Variants in CPSF3 observed in about 807,000 individuals in gnomAD.
CPSF3 encodes the protein cleavage and polyadenylation specificity factor subunit 3.
Under a neutral mutation model 84.1 loss-of-function variants are expected in CPSF3, and 57 were observed. The ratio of observed to expected loss-of-function variants is 0.68; its 90% CI spans 0.55 to 0.85. CPSF3 has a LOEUF of 0.85. Ranked by LOEUF, CPSF3 falls within the 40% of genes least tolerant of loss-of-function variation. CPSF3 has a pLI of 0.00. For missense variants in CPSF3, 522 were observed against 838.8 expected, an observed-to-expected ratio of 0.62 and a Z score of 4.66; for synonymous variants, 275 against 278.1, an observed-to-expected ratio of 0.99 and a Z score of 0.11.
At chr2:9,469,966 C>CA (rs1682106880) in intron 16 of CPSF3, among the ~76,000 whole-genome samples, 1 of 152,178 alleles carries the variant, frequency 6.6e-6, no homozygotes, top group Non-Finnish European at 1.5e-5. Context: ...GTAATCCCAG[C>CA]ACTTTGGGAA....
At chr2:9,435,505 A>G (rs1339691364) in intron 6 of CPSF3, among the ~76,000 whole-genome samples, 1 of 144,994 alleles carries the variant, frequency 6.9e-6, no homozygotes, top group Admixed American at 6.9e-5. Context: ...CACTGCAACC[A>G]CTGCCTCCCA....
At chr2:9,472,854 T>C in intron 17 of CPSF3, 62 bp from the exon 18 acceptor site, 1 of 1,122,136 alleles carries the variant, frequency 8.9e-7, no homozygotes, top group Non-Finnish European at 1.3e-6. Flanking sequence ...GAGTATTCAT[T>C]TATCTTCTAT....
At chr2:9,471,461 C>T (rs373076461) in intron 17 of CPSF3, 22 bp downstream of exon 17, 34 of 1,378,928 alleles carry the variant, frequency 2.5e-5, no homozygotes, top group East Asian at 1.6e-4. Flanking sequence ...CTCTTTCCTA[C>T]GTTTCAAGAC....
At chr2:9,460,415 C>T (rs1681693702) in intron 15 of CPSF3, among the ~76,000 whole-genome samples, 1 of 151,832 alleles carries the variant, frequency 6.6e-6, no homozygotes, top group South Asian at 2.1e-4. Context: ...GGCGACAGAG[C>T]AAGACTCCGT....
intron 14 of CPSF3, among the ~76,000 whole-genome samples, chr2:9,457,530 A>C (rs1041425161): frequency 1.3e-5 from 2 of 152,174 alleles, no homozygotes; most frequent in African/African-American, 4.8e-5. Flanking sequence ...GGTTCCTATT[A>C]GAATTTTAAA....
At chr2:9,430,468 T>G (rs1680547894) in intron 3 of CPSF3, among the ~76,000 whole-genome samples, 1 of 152,250 alleles carries the variant, frequency 6.6e-6, no homozygotes, top group African/African-American at 2.4e-5. Flanking sequence ...AAATGTTTGC[T>G]GTAATTCTGG....
chr2:9,467,965 T>TC lies in CPSF3; in HGVS notation c.1856+189_1856+190insC, dbSNP rs1431975768. ...TCCCTGCCAGCTCTGCACTCACCTG[T>TC]GACCTGCTAGGTCAGCCGTTTGTGT... On this transcript the variant is annotated intron_variant, in intron 16 of 17. Coordinates refer to ENST00000238112, the MANE Select transcript of CPSF3 (RefSeq NM_016207.4). 2.0e-5 allele frequency: 10 copies of TC among 507,122 alleles called. No homozygotes were observed. The East Asian group carries it at 3.1e-4, about 16-fold the overall frequency. The allele number at this position is 507,122 out of a possible 1,614,324, so 31.4% of individuals were successfully genotyped here. A position where few individuals can be genotyped will look rare whatever the true frequency, so the allele number is the denominator to read the frequency against.
At position 9,451,944 on chromosome 2, in the gene CPSF3, G is replaced by A. The variant is rs183222508; in HGVS notation, c.1396-969G>A. ...TATTGGCCAGGATGGTCTCAATCTC[G>A]TGACCTCATGATCCGCCTGCCTTGG... is the stretch of plus-strand genomic sequence containing the variant. On this transcript the variant is annotated intron_variant, in intron 11 of 17. Transcript: ENST00000238112. 9.3e-3 allele frequency among the ~76,000 whole-genome samples: 1,407 copies of A among 152,102 alleles called. 24 individuals are homozygous for A. Among genetic ancestry groups the A allele is most frequent in the African/African-American group, 0.032 (1,321 of 41,538 alleles).
intron 11 of CPSF3, among the ~76,000 whole-genome samples, chr2:9,451,560 T>TG (rs1470875934): frequency 6.6e-6 from 1 of 152,054 alleles, no homozygotes; most frequent in Non-Finnish European, 1.5e-5. Context: ...GCTCAGGAAT[T>TG]GAAGATCAGC....
chr2:9,457,604 G>C (rs1282289566), intron 14 of CPSF3, among the ~76,000 whole-genome samples: 1 of 152,062 alleles, frequency 6.6e-6, no homozygotes, highest in African/African-American at 2.4e-5. Flanking sequence ...TTGATAGATT[G>C]GCACCTATTA....
chr2:9,445,056 G>A (rs997991173), intron 10 of CPSF3, among the ~76,000 whole-genome samples: 2 of 152,052 alleles, frequency 1.3e-5, no homozygotes, highest in African/African-American at 4.8e-5. Context: ...ACAAACCAGT[G>A]GCATTAATTA....
intron 15 of CPSF3, among the ~76,000 whole-genome samples, chr2:9,464,280 A>G (rs970947768): frequency 6.6e-6 from 1 of 152,284 alleles, no homozygotes; most frequent in Non-Finnish European, 1.5e-5. Context: ...GTCTGATTGT[A>G]TAGTTCTGTG....
At chr2:9,467,878 C>A in intron 16 of CPSF3, 102 bp downstream of exon 16, 2 of 883,120 alleles carry the variant, frequency 2.3e-6, no homozygotes, top group South Asian at 2.9e-5. Flanking sequence ...GTGGCTCTGG[C>A]CAGGCCACTG....
rs765987097 is a variant in CPSF3, at chr2:9,443,491, G to A, written c.1096-24G>A. On this transcript the variant is annotated intron_variant, in intron 9 of 17. Transcript: ENST00000238112. Reference sequence around the variant, plus strand: ...CGATTATAACTGGGTAGTTTGTTTTGTTATTTTTCTTTATTTTCCACAGCA... The same window carrying A: ...CGATTATAACTGGGTAGTTTGTTTTATTATTTTTCTTTATTTTCCACAGCA... 2.5e-6 allele frequency: 4 copies of A among 1,593,950 alleles called. No individual in the cohort carries two copies. In the East Asian group the frequency reaches 9.0e-5, roughly 36 times the overall value.
intron 12 of CPSF3, among the ~76,000 whole-genome samples, chr2:9,454,524 G>GTGA (rs1385678040): frequency 2.0e-5 from 3 of 148,972 alleles, no homozygotes; most frequent in African/African-American, 7.4e-5. Context: ...TTCTGAGTTA[G>GTGA]TGAGCTCTTA....
intron 1 of CPSF3, among the ~76,000 whole-genome samples, chr2:9,426,433 A>C (rs1490958310): frequency 6.6e-6 from 1 of 152,192 alleles, no homozygotes; most frequent in Non-Finnish European, 1.5e-5. Flanking sequence ...TGGCATCTTG[A>C]ATATGAAGTC....
At chr2:9,436,077 C>A in intron 6 of CPSF3, 134 bp from the exon 7 acceptor site, 1 of 737,914 alleles carries the variant, frequency 1.4e-6, no homozygotes, top group Non-Finnish European at 2.1e-6. Flanking sequence ...ACTATTATGA[C>A]AACACATGTT....
chr2:9,444,659 GGTTT>G (rs36008382), intron 10 of CPSF3, among the ~76,000 whole-genome samples: 89,405 of 150,316 alleles, frequency 0.59, 28,147 homozygotes, highest in African/African-American at 0.75. Flanking sequence ...GGTGTTTTTT[GGTTT>G]GTTTGTTTGT....
At chr2:9,466,231 C>G (rs1385232247) in intron 15 of CPSF3, among the ~76,000 whole-genome samples, 1 of 148,054 alleles carries the variant, frequency 6.8e-6, no homozygotes, top group South Asian at 2.1e-4. Context: ...CGCACACACA[C>G]ACGTGCGCGC....
Sources: gnomAD v4.1 joint callset for allele counts (sites outside exome capture counted in the v4.1 genomes callset) on GRCh38, gnomAD v4.1.1 for gene constraint, MANE v1.5 for transcripts, NCBI Gene and HGNC (gene_info 2026-07-23, HGNC 2026-07-21) for gene names.